The following NOS1AP variants were observed in gnomAD, a reference collection of about 807,000 sequenced individuals.
NOS1AP encodes nitric oxide synthase 1 adaptor protein, also known as carboxyl-terminal PDZ ligand of neuronal nitric oxide synthase protein.
In NOS1AP, 21 loss-of-function variants were observed where a neutral mutation model predicts 56.2. That is an observed-to-expected ratio of 0.37 (90% CI 0.26 to 0.54). The LOEUF is 0.54. Ranked by LOEUF, NOS1AP falls within the 20% of genes least tolerant of loss-of-function variation. NOS1AP has a pLI of 0.84. For missense variants in NOS1AP, 522 were observed against 657.8 expected (o/e 0.79, Z 2.26); for synonymous variants, 270 against 274.6 (o/e 0.98, Z 0.17).
At chr1:162,103,672 A>G (rs1313710458) in intron 1 of NOS1AP, among the ~76,000 whole-genome samples, 1 of 152,164 alleles carries the variant, frequency 6.6e-6, no homozygotes, top group Non-Finnish European at 1.5e-5. Flanking sequence ...TGAACCCTTT[A>G]CCATGATGTA....
At chr1:162,362,669 C>G (rs1268916109) in intron 8 of NOS1AP, among the ~76,000 whole-genome samples, 1 of 152,132 alleles carries the variant, frequency 6.6e-6, no homozygotes, top group Admixed American at 6.5e-5. Context: ...TTTATTTGCT[C>G]AGTAGGTTCC....
At chr1:162,094,058 C>T (rs942231622) in intron 1 of NOS1AP, among the ~76,000 whole-genome samples, 3 of 152,174 alleles carry the variant, frequency 2.0e-5, no homozygotes, top group Non-Finnish European at 4.4e-5. Flanking sequence ...CTGTAACTTT[C>T]CTAGCCTTTC....
At chr1:162,077,904 C>T (rs2102011828) in intron 1 of NOS1AP, among the ~76,000 whole-genome samples, 1 of 152,306 alleles carries the variant, frequency 6.6e-6, no homozygotes, top group African/African-American at 2.4e-5. Context: ...TCCCTGGCCA[C>T]TTCCTTCCAA....
intron 3 of NOS1AP, among the ~76,000 whole-genome samples, chr1:162,298,008 A>G (rs551791587): frequency 4.6e-5 from 7 of 152,328 alleles, no homozygotes; most frequent in Admixed American, 3.3e-4. Context: ...AGCCCCAACA[A>G]AAGCCTGCTC....
chr1:162,108,211 T>C (rs1647583596), intron 1 of NOS1AP, among the ~76,000 whole-genome samples: 1 of 152,168 alleles, frequency 6.6e-6, no homozygotes, highest in Non-Finnish European at 1.5e-5. Flanking sequence ...ATATACAAGA[T>C]GTGCCTGGTT....
intron 9 of NOS1AP, among the ~76,000 whole-genome samples, chr1:162,366,475 A>G (rs1658090546): frequency 6.6e-6 from 1 of 152,274 alleles, no homozygotes; most frequent in African/African-American, 2.4e-5. Flanking sequence ...ATTTTGTTCC[A>G]ACTATACCAG....
At chr1:162,155,233 TATACATATAC>T (rs1649893847) in intron 2 of NOS1AP, among the ~76,000 whole-genome samples, 1 of 17,622 alleles carries the variant, frequency 5.7e-5, no homozygotes, top group African/African-American at 7.2e-5. Context: ...TACATATATA[TATACATATAC>T]ATATACACAT....
At chr1:162,315,266 C>T (rs1353153859) in intron 4 of NOS1AP, among the ~76,000 whole-genome samples, 2 of 152,172 alleles carry the variant, frequency 1.3e-5, no homozygotes, top group East Asian at 3.9e-4. Context: ...GAGCTGTAGC[C>T]CCTGCCTGAC....
chr1:162,319,472 G>C (rs1161938735), intron 4 of NOS1AP, among the ~76,000 whole-genome samples: 6 of 152,058 alleles, frequency 3.9e-5, no homozygotes, highest in Non-Finnish European at 8.8e-5. Flanking sequence ...CTCCACAATT[G>C]GCCCTGACCT....
At chr1:162,328,224 T>C (rs1656655718) in intron 4 of NOS1AP, among the ~76,000 whole-genome samples, 1 of 151,822 alleles carries the variant, frequency 6.6e-6, no homozygotes, top group Admixed American at 6.6e-5. Flanking sequence ...AGTCGGAGAG[T>C]GGGGAGGGCA....
rs556169992 is a variant in NOS1AP, at chr1:162,228,298, G to A, written c.178-59046G>A. 2.0e-4 allele frequency among the ~76,000 whole-genome samples: 31 copies of A among 152,272 alleles called. 1 individual carries two copies. The South Asian group carries it at 3.3e-3, about 16-fold the overall frequency. ...CTTCCACTGTGAATACCAGAAAAGC[G>A]TATATATGTTTACTGTGAGTGTAAA... On this transcript the variant is annotated intron_variant, in intron 2 of 9. Coordinates refer to ENST00000361897, the MANE Select transcript of NOS1AP (RefSeq NM_014697.3).
At chr1:162,180,189 G>A (rs114313154) in intron 2 of NOS1AP, among the ~76,000 whole-genome samples, 54 of 152,240 alleles carry the variant, frequency 3.5e-4, no homozygotes, top group African/African-American at 1.2e-3. Context: ...CCTCCAATGT[G>A]CCAGGCCCTT....
intron 6 of NOS1AP, among the ~76,000 whole-genome samples, chr1:162,351,663 A>C (rs1419793181): frequency 2.0e-5 from 3 of 152,196 alleles, no homozygotes. Context: ...GCCCAACTGC[A>C]GATAGATAAG....
chr1:162,139,372 A>G (rs1649137857), intron 1 of NOS1AP, among the ~76,000 whole-genome samples: 1 of 152,198 alleles, frequency 6.6e-6, no homozygotes, highest in South Asian at 2.1e-4. Context: ...TGTCCATTCC[A>G]GATACAAGCC....
intron 2 of NOS1AP, among the ~76,000 whole-genome samples, chr1:162,185,732 TTACAA>T (rs1283417816): frequency 1.3e-5 from 2 of 152,218 alleles, no homozygotes; most frequent in African/African-American, 4.8e-5. Context: ...ACATATGTAC[TTACAA>T]TATTAAAGCC....
At chr1:162,213,294 G>A (rs1300906109) in intron 2 of NOS1AP, among the ~76,000 whole-genome samples, 1 of 152,138 alleles carries the variant, frequency 6.6e-6, no homozygotes, top group South Asian at 2.1e-4. Context: ...TCCTGTCTGA[G>A]ACCCTTTCCT....
chr1:162,264,699 G>GTT (rs1035497469), intron 2 of NOS1AP, among the ~76,000 whole-genome samples: 3 of 150,048 alleles, frequency 2.0e-5, no homozygotes, highest in African/African-American at 7.4e-5. Flanking sequence ...TAGAGACAGG[G>GTT]TTTTGCCATG....
At chr1:162,332,995 T>G in intron 4 of NOS1AP, 22 bp from the exon 5 acceptor site, 1 of 1,568,304 alleles carries the variant, frequency 6.4e-7, no homozygotes, top group Non-Finnish European at 8.8e-7. Context: ...TTCAGTGCAT[T>G]TTTCTGTTGT....
intron 2 of NOS1AP, among the ~76,000 whole-genome samples, chr1:162,266,608 C>T (rs1654432264): frequency 6.6e-6 from 1 of 152,158 alleles, no homozygotes; most frequent in African/African-American, 2.4e-5. Context: ...GGTTCATGGT[C>T]TTTTCCTTGC....
Sources: allele counts gnomAD v4.1 joint callset (sites outside exome capture counted in the v4.1 genomes callset), GRCh38; gene constraint gnomAD v4.1.1; transcripts MANE v1.5; gene names NCBI Gene and HGNC (gene_info 2026-07-23, HGNC 2026-07-21).